The following RASA2 variants were observed in gnomAD, a reference collection of about 807,000 sequenced individuals.
RASA2 encodes RAS p21 protein activator 2.
RASA2 carries 155 observed loss-of-function variants against 118.2 expected under a neutral mutation model. The ratio of observed to expected loss-of-function variants is 1.31; its 90% CI spans 1.15 to 1.50. The LOEUF (loss-of-function observed/expected upper bound fraction) is 1.50, where lower values mean the gene tolerates loss of function less well. Among genes scored for constraint, RASA2 ranks in the 40% most tolerant of loss-of-function variants. The pLI, the probability that RASA2 is intolerant of heterozygous loss-of-function variation, is 0.00. For missense variants in RASA2, 1,016 were observed against 1,009.6 expected, an observed-to-expected ratio of 1.01 and a Z score of -0.09; for synonymous variants, 353 against 349.1, an observed-to-expected ratio of 1.01 and a Z score of -0.12.
intron 5 of RASA2, among the ~76,000 whole-genome samples, chr3:141,547,816 G>A (rs1221663014): frequency 6.6e-6 from 1 of 152,086 alleles, no homozygotes. Flanking sequence ...TACTAGCTAT[G>A]GATATGTACT....
intron 17 of RASA2, among the ~76,000 whole-genome samples, chr3:141,585,319 G>A (rs2083183325): frequency 6.6e-6 from 1 of 152,112 alleles, no homozygotes; most frequent in African/African-American, 2.4e-5. Context: ...AGTAATATAA[G>A]TACAGAGTGT....
At chr3:141,609,789 G>A (rs2083608076) in intron 22 of RASA2, 88 bp from the exon 23 acceptor site, 6 of 1,256,706 alleles carry the variant, frequency 4.8e-6, no homozygotes, top group Non-Finnish European at 6.5e-6. Flanking sequence ...CTCAGCATAA[G>A]ACACTTGAAA....
chr3:141,603,183 T>C (rs889594721), intron 19 of RASA2, among the ~76,000 whole-genome samples: 6 of 152,332 alleles, frequency 3.9e-5, no homozygotes, highest in South Asian at 4.1e-4. Context: ...AACACTATTA[T>C]CAAAAATACA....
chr3:141,581,558 C>G (rs374552179), intron 17 of RASA2, among the ~76,000 whole-genome samples: 1 of 152,090 alleles, frequency 6.6e-6, no homozygotes, highest in South Asian at 2.1e-4. Flanking sequence ...GAAGTATGCC[C>G]CTGTTTTGAC....
intron 17 of RASA2, among the ~76,000 whole-genome samples, chr3:141,584,340 AAAAAAAAAAAAAAAAG>A (rs2083165217): frequency 6.8e-6 from 1 of 147,098 alleles, no homozygotes; most frequent in African/African-American, 2.6e-5. Flanking sequence ...CAAAAAAAAA[AAAAAAAAAAAAAAAAG>A]AAAGGAAAAA....
intron 9 of RASA2, among the ~76,000 whole-genome samples, chr3:141,565,187 G>A (rs2082799678): frequency 6.6e-6 from 1 of 152,152 alleles, no homozygotes; most frequent in Non-Finnish European, 1.5e-5. Context: ...GTTTCACCAT[G>A]TTGGCCAGCC....
At chr3:141,495,087 C>T (rs2081683994) in intron 1 of RASA2, among the ~76,000 whole-genome samples, 1 of 152,208 alleles carries the variant, frequency 6.6e-6, no homozygotes. Context: ...GCAGTGTATC[C>T]TTCAGACAAA....
intron 7 of RASA2, among the ~76,000 whole-genome samples, chr3:141,556,134 A>G (rs1180924219): frequency 1.3e-5 from 2 of 152,238 alleles, no homozygotes; most frequent in African/African-American, 4.8e-5. Flanking sequence ...GGCCAGGGCC[A>G]TACCCACTCC....
chr3:141,505,774 T>TTG (rs35375776), intron 1 of RASA2, among the ~76,000 whole-genome samples: 2,447 of 150,554 alleles, frequency 0.016, 46 homozygotes, highest in South Asian at 0.044. Context: ...GTCTCTGTGT[T>TTG]TGTGTGTGTG....
intron 14 of RASA2, among the ~76,000 whole-genome samples, chr3:141,575,309 CAT>C (rs1452345963): frequency 6.6e-6 from 1 of 152,190 alleles, no homozygotes; most frequent in African/African-American, 2.4e-5. Flanking sequence ...AGTTGTCTAA[CAT>C]GTAGATAAAT....
At chr3:141,580,555 TACAC>T (rs10663136) in intron 16 of RASA2, 104 bp downstream of exon 16, 144 of 579,798 alleles carry the variant, frequency 2.5e-4, no homozygotes, top group Admixed American at 4.6e-4. Context: ...AAACAAAACA[TACAC>T]ACACACACAC....
chr3:141,563,745 CTGTT>C (rs1056000526), intron 9 of RASA2, among the ~76,000 whole-genome samples: 1 of 152,206 alleles, frequency 6.6e-6, no homozygotes, highest in Non-Finnish European at 1.5e-5. Flanking sequence ...TTGAACCAAA[CTGTT>C]TGACCCCAAA....
At position 141,487,081 on chromosome 3, in the gene RASA2, A is replaced by G. The variant is rs1468550656; in HGVS notation, c.-3A>G. ...AGGGCTGCGGCACGGGCCGGGCGGC[A>G]CCATGGCGGCGGCGGCGCCTGCTGC... On this transcript the variant is annotated 5_prime_UTR_variant, in exon 1 of 24. Transcript: ENST00000286364. 2 of 1,345,462 alleles carry G rather than the reference A, an allele frequency of 1.5e-6. No homozygotes were observed. The highest frequency in any genetic ancestry group is 1.6e-5 in the South Asian group (1 of 60,898). 83.3% of individuals were successfully genotyped at this position (1,345,462 alleles called of 1,614,324 possible).
intron 23 of RASA2, among the ~76,000 whole-genome samples, chr3:141,611,696 A>C (rs902146999): frequency 3.9e-5 from 6 of 152,206 alleles, no homozygotes; most frequent in African/African-American, 1.4e-4. Context: ...TATGTGAATT[A>C]ATAATTATAT....
chr3:141,536,698 GA>G (rs1034300374), intron 4 of RASA2, among the ~76,000 whole-genome samples: 4 of 151,540 alleles, frequency 2.6e-5, no homozygotes, highest in African/African-American at 9.7e-5. Context: ...TGAATAATAA[GA>G]ATGCAGTTGT....
intron 1 of RASA2, among the ~76,000 whole-genome samples, chr3:141,500,295 C>G (rs1446154005): frequency 1.3e-5 from 2 of 152,144 alleles, no homozygotes; most frequent in Non-Finnish European, 2.9e-5. Flanking sequence ...ATTTGAGACT[C>G]TTTGGAAGGT....
rs756260149 is a variant in RASA2 at position 141,516,448 on chromosome 3, A to G, written c.355+17A>G. On this transcript the variant is annotated intron_variant, in intron 3 of 23. Transcript: ENST00000286364. ...TCCGTATAGGTATGTACTATTCATAATTATCTTTAATCACAATGTTAATGT... is the reference window on the plus strand; with the variant it reads ...TCCGTATAGGTATGTACTATTCATAGTTATCTTTAATCACAATGTTAATGT... 1.1e-5 allele frequency: 15 copies of G among 1,372,694 alleles called. No individual in the cohort carries two copies. Among genetic ancestry groups the G allele is most frequent in the Non-Finnish European group, 1.4e-5 (15 of 1,052,258 alleles). 85.0% of individuals were successfully genotyped at this position (1,372,694 alleles called of 1,614,324 possible).
intron 7 of RASA2, 99 bp from the exon 8 acceptor site, chr3:141,558,787 T>C: frequency 3.1e-6 from 3 of 957,518 alleles, no homozygotes; most frequent in Non-Finnish European, 4.8e-6. Context: ...TTTCCTCTGC[T>C]TTTATCCACA....
At chr3:141,558,093 G>A (rs2082675327) in intron 7 of RASA2, among the ~76,000 whole-genome samples, 1 of 152,146 alleles carries the variant, frequency 6.6e-6, no homozygotes, top group South Asian at 2.1e-4. Flanking sequence ...ACTAATTTCT[G>A]CGACTCAAGT....
Sources: allele counts gnomAD v4.1 joint callset (sites outside exome capture counted in the v4.1 genomes callset), GRCh38; gene constraint gnomAD v4.1.1; transcripts MANE v1.5; gene names NCBI Gene and HGNC (gene_info 2026-07-23, HGNC 2026-07-21).